Variants in SGCZ observed in about 807,000 individuals in gnomAD.
SGCZ encodes zeta-sarcoglycan.
Under a neutral mutation model 41.3 loss-of-function variants are expected in SGCZ, and 40 were observed. That is an observed-to-expected ratio of 0.97 (90% CI 0.75 to 1.26). The LOEUF (loss-of-function observed/expected upper bound fraction) is 1.26. SGCZ is among the 50% of genes most tolerant of loss of function. The probability of loss-of-function intolerance (pLI) is 0.00; values close to 1 mark genes in which losing one functional copy is unlikely to be tolerated. For synonymous variants in SGCZ, 206 were observed against 137.5 expected, an observed-to-expected ratio of 1.50 and a Z score of -3.49; for missense variants, 552 against 369.8, an observed-to-expected ratio of 1.49 and a Z score of -4.04.
At chr8:14,401,847 C>T (rs542735606) in intron 2 of SGCZ, among the ~76,000 whole-genome samples, 1 of 150,666 alleles carries the variant, frequency 6.6e-6, no homozygotes, top group South Asian at 2.1e-4. Context: ...GTTCTAGATC[C>T]CTGAGGAATC....
intron 1 of SGCZ, among the ~76,000 whole-genome samples, chr8:14,654,008 A>G (rs1373572907): frequency 1.3e-5 from 2 of 152,110 alleles, no homozygotes; most frequent in East Asian, 1.9e-4. Context: ...AATTTCTTCA[A>G]TGAAGCCATT....
At chr8:14,789,074 C>T (rs1800867222) in intron 1 of SGCZ, among the ~76,000 whole-genome samples, 1 of 152,100 alleles carries the variant, frequency 6.6e-6, no homozygotes, top group Non-Finnish European at 1.5e-5. Flanking sequence ...AACCCTGCGC[C>T]TCATTTCTGA....
intron 2 of SGCZ, among the ~76,000 whole-genome samples, chr8:14,412,617 G>C (rs961589019): frequency 2.6e-5 from 4 of 152,018 alleles, no homozygotes; most frequent in African/African-American, 7.2e-5. Context: ...ATCTTAATGA[G>C]TAACCTAACC....
chr8:14,303,314 G>A (rs928460619), intron 3 of SGCZ, among the ~76,000 whole-genome samples: 16 of 152,124 alleles, frequency 1.1e-4, no homozygotes, highest in South Asian at 6.2e-4. Context: ...ATGCATTTAC[G>A]AAATATGGGA....
In SGCZ at chr8:14,763,913, G is replaced by A. The variant is rs2252332; in HGVS notation, c.40-208987C>T. Among the ~76,000 whole-genome samples, 686 of 152,298 alleles carry A rather than the reference G, an allele frequency of 4.5e-3. 9 individuals are homozygous for A. The highest frequency in any genetic ancestry group is 0.015 in the African/African-American group (624 of 41,566). On this transcript the variant is annotated intron_variant, in intron 1 of 7. Coordinates refer to ENST00000382080, the MANE Select transcript of SGCZ (RefSeq NM_139167.4). ...GACACACCTACTGGATGGAGGAAAC[G>A]AGAAGGAACTGTGTGATGTTGGATT...
intron 1 of SGCZ, among the ~76,000 whole-genome samples, chr8:15,146,190 C>CA (rs570747320): frequency 2.2e-4 from 34 of 151,180 alleles, no homozygotes; most frequent in Admixed American, 4.6e-4. Context: ...AAAAGTCATA[C>CA]AAAAAAAAGA....
intron 2 of SGCZ, among the ~76,000 whole-genome samples, chr8:14,468,671 A>T (rs1001215072): frequency 6.6e-6 from 1 of 152,090 alleles, no homozygotes; most frequent in African/African-American, 2.4e-5. Flanking sequence ...AACCGTAGAC[A>T]CTAACACCTT....
chr8:14,623,958 T>G (rs1387318628), intron 1 of SGCZ, among the ~76,000 whole-genome samples: 2 of 152,212 alleles, frequency 1.3e-5, no homozygotes, highest in Non-Finnish European at 2.9e-5. Flanking sequence ...AATTTTGTGT[T>G]GCTTTGTGAC....
At chr8:14,204,472 C>G (rs1267987135) in intron 4 of SGCZ, among the ~76,000 whole-genome samples, 4 of 152,044 alleles carry the variant, frequency 2.6e-5, no homozygotes, top group Non-Finnish European at 4.4e-5. Context: ...GTTGACCTGC[C>G]TTGAAGCACG....
intron 1 of SGCZ, among the ~76,000 whole-genome samples, chr8:14,560,051 G>C (rs1485983060): frequency 6.6e-6 from 1 of 151,980 alleles, no homozygotes; most frequent in South Asian, 2.1e-4. Context: ...ATATAGTAGA[G>C]AAAACATAAA....
chr8:14,758,831 A>G (rs2130346392), intron 1 of SGCZ, among the ~76,000 whole-genome samples: 1 of 152,252 alleles, frequency 6.6e-6, no homozygotes, highest in Non-Finnish European at 1.5e-5. Context: ...CAACATGAAG[A>G]AACCCTGTCT....
intron 1 of SGCZ, among the ~76,000 whole-genome samples, chr8:14,784,429 A>G (rs1386710949): frequency 6.6e-6 from 1 of 152,076 alleles, no homozygotes; most frequent in East Asian, 1.9e-4. Context: ...TGTCAGCTAT[A>G]TCAGGGTTTT....
chr8:15,090,972 C>T (rs1806136805), intron 1 of SGCZ, among the ~76,000 whole-genome samples: 1 of 152,156 alleles, frequency 6.6e-6, no homozygotes, highest in South Asian at 2.1e-4. Context: ...AGACTGATTA[C>T]TTTGATTCTA....
In SGCZ at chr8:15,080,734, G is replaced by A. The variant is rs181970115; in HGVS notation, c.39+156851C>T. ...GCCTCCCAAGTAACTTGGATTACAG[G>A]TGCCTGTCACCATGCTCAGCTAATT... On this transcript the variant is annotated intron_variant, in intron 1 of 7. Transcript: ENST00000382080. Among the ~76,000 whole-genome samples, 540 of 152,124 alleles carry A rather than the reference G, an allele frequency of 3.5e-3. 6 individuals carry two copies. Among genetic ancestry groups the A allele is most frequent in the African/African-American group, 0.012 (502 of 41,504 alleles).
intron 2 of SGCZ, among the ~76,000 whole-genome samples, chr8:14,383,797 T>A (rs879172998): frequency 6.6e-6 from 1 of 152,136 alleles, no homozygotes; most frequent in Admixed American, 6.6e-5. Context: ...TACAGTTGAA[T>A]GTAGGCCAGA....
chr8:14,133,434 G>C (rs903425188), intron 5 of SGCZ, among the ~76,000 whole-genome samples: 2 of 152,146 alleles, frequency 1.3e-5, no homozygotes, highest in African/African-American at 2.4e-5. Context: ...AGATGAAACA[G>C]AGAAGAGCAT....
intron 1 of SGCZ, among the ~76,000 whole-genome samples, chr8:14,629,181 C>G (rs1458683871): frequency 2.0e-5 from 3 of 152,068 alleles, no homozygotes; most frequent in African/African-American, 7.2e-5. Context: ...TGTGCATGTT[C>G]CAGATATATG....
intron 1 of SGCZ, among the ~76,000 whole-genome samples, chr8:14,611,617 C>T (rs1362844236): frequency 6.6e-6 from 1 of 152,036 alleles, no homozygotes; most frequent in Non-Finnish European, 1.5e-5. Context: ...CCTTCAAATG[C>T]AAATGGAACA....
intron 2 of SGCZ, among the ~76,000 whole-genome samples, chr8:14,467,572 T>C (rs978758131): frequency 2.6e-5 from 4 of 152,060 alleles, no homozygotes; most frequent in Non-Finnish European, 5.9e-5. Flanking sequence ...CGAGGAGCAA[T>C]CGACTGAAAT....
Sources: gnomAD v4.1 joint callset for allele counts (sites outside exome capture counted in the v4.1 genomes callset) on GRCh38, gnomAD v4.1.1 for gene constraint, MANE v1.5 for transcripts, NCBI Gene and HGNC (gene_info 2026-07-23, HGNC 2026-07-21) for gene names.